The following MRAS variants were observed in gnomAD, a reference collection of about 807,000 sequenced individuals.
MRAS encodes ras-related protein M-Ras.
A neutral mutation model predicts 20.9 loss-of-function variants in MRAS; 4 were observed. That is an observed-to-expected ratio of 0.19 (90% CI 0.09 to 0.44). MRAS has a LOEUF of 0.44. MRAS is among the 20% of genes least tolerant of loss of function. The pLI is 0.99. For synonymous variants in MRAS, 98 were observed against 102.9 expected (o/e 0.95, Z 0.29); for missense variants, 154 against 277.5 (o/e 0.56, Z 3.16).
intron 2 of MRAS, among the ~76,000 whole-genome samples, chr3:138,389,967 C>T (rs1345551458): frequency 6.6e-6 from 1 of 151,714 alleles, no homozygotes; most frequent in African/African-American, 2.4e-5. Context: ...GAAGGTGGCT[C>T]ACGCCTGTAA....
At chr3:138,392,327 C>A (rs911940875) in intron 2 of MRAS, among the ~76,000 whole-genome samples, 1 of 152,126 alleles carries the variant, frequency 6.6e-6, no homozygotes, top group African/African-American at 2.4e-5. Context: ...TCCGCTTTAT[C>A]CTCCCAAAGT....
At chr3:138,398,680 C>T in intron 4 of MRAS, 112 bp downstream of exon 4, 2 of 914,146 alleles carry the variant, frequency 2.2e-6, no homozygotes, top group South Asian at 1.5e-5. Context: ...TGAAGGGCTC[C>T]CCTTAGTTTA....
chr3:138,405,026 C>CT lies in MRAS; in HGVS notation c.*2765dup. The CT allele has an allele frequency of 1.3e-5, 2 of 152,300 alleles. No homozygotes were observed. The highest frequency in any genetic ancestry group is 2.9e-5 in the Non-Finnish European group (2 of 68,076). 9.4% of individuals were successfully genotyped at this position (152,300 alleles called of 1,614,324 possible). A position where few individuals can be genotyped will look rare whatever the true frequency, so the allele number is the denominator to read the frequency against. On this transcript the variant is annotated 3_prime_UTR_variant, in exon 6 of 6. Coordinates refer to ENST00000423968, the MANE Select transcript of MRAS (RefSeq NM_001085049.3). ...TTGACACCCTCCTTAGAGGGCTGCT[C>CT]TTTTTTTTCCAGAGATAATCCTAGC... is the stretch of plus-strand genomic sequence containing the variant.
chr3:138,380,253 G>T (rs982034204), intron 2 of MRAS, among the ~76,000 whole-genome samples: 1 of 151,694 alleles, frequency 6.6e-6, no homozygotes, highest in African/African-American at 2.4e-5. Flanking sequence ...TTAATCCCTT[G>T]CCCCTTAAAC....
At chr3:138,371,979 C>G (rs917657058) in intron 1 of MRAS, among the ~76,000 whole-genome samples, 1 of 152,114 alleles carries the variant, frequency 6.6e-6, no homozygotes, top group African/African-American at 2.4e-5. Context: ...CTTTAGAATC[C>G]TGGTCCCACT....
intron 2 of MRAS, among the ~76,000 whole-genome samples, chr3:138,380,819 G>A (rs562683283): frequency 1.3e-5 from 2 of 151,794 alleles, no homozygotes; most frequent in East Asian, 1.9e-4. Flanking sequence ...CGCCAGGCTG[G>A]AGTGCAGTGG....
chr3:138,377,097 G>A (rs927921377), intron 2 of MRAS, among the ~76,000 whole-genome samples: 4 of 152,184 alleles, frequency 2.6e-5, no homozygotes, highest in African/African-American at 9.6e-5. Context: ...AAACATGGCC[G>A]CAGCATTATA....
At chr3:138,367,709 G>T (rs2054589832) in intron 1 of MRAS, among the ~76,000 whole-genome samples, 1 of 152,192 alleles carries the variant, frequency 6.6e-6, no homozygotes, top group Admixed American at 6.5e-5. Context: ...CATGTGTTGG[G>T]CTCTGCCTGG....
At chr3:138,361,582 C>T (rs962604142) in intron 1 of MRAS, among the ~76,000 whole-genome samples, 1 of 152,170 alleles carries the variant, frequency 6.6e-6, no homozygotes, top group African/African-American at 2.4e-5. Flanking sequence ...GAGGTGCTGG[C>T]TGAATCCAGT....
chr3:138,378,530 C>T (rs2108528601), intron 2 of MRAS, among the ~76,000 whole-genome samples: 1 of 152,314 alleles, frequency 6.6e-6, no homozygotes, highest in South Asian at 2.1e-4. Context: ...CCTGCTTCTC[C>T]ACTGTGGGGT....
chr3:138,396,535 C>T (rs1416530089), intron 2 of MRAS, among the ~76,000 whole-genome samples: 1 of 152,216 alleles, frequency 6.6e-6, no homozygotes, highest in African/African-American at 2.4e-5. Flanking sequence ...CAGGCCTGCA[C>T]TGCTAAAAGG....
intron 2 of MRAS, among the ~76,000 whole-genome samples, chr3:138,380,428 T>A (rs1484529686): frequency 6.6e-6 from 1 of 152,136 alleles, no homozygotes; most frequent in Non-Finnish European, 1.5e-5. Flanking sequence ...TTATCCTGCC[T>A]CACCCTCCTG....
chr3:138,398,706 G>A (rs2055293849), intron 4 of MRAS, 138 bp downstream of exon 4: 2 of 719,970 alleles, frequency 2.8e-6, no homozygotes, highest in Admixed American at 5.3e-5. Context: ...TGTTGCTACT[G>A]AAATCCTGCA....
intron 1 of MRAS, among the ~76,000 whole-genome samples, chr3:138,359,642 A>T (rs902393369): frequency 2.0e-5 from 3 of 152,206 alleles, no homozygotes; most frequent in African/African-American, 7.2e-5. Flanking sequence ...CTGGGCTCTG[A>T]CATACTCCTG....
At chr3:138,398,415 C>G in intron 3 of MRAS, 54 bp from the exon 4 acceptor site, 1 of 1,465,570 alleles carries the variant, frequency 6.8e-7, no homozygotes, top group Non-Finnish European at 9.6e-7. Flanking sequence ...CCACCTTAAC[C>G]AGGTGTGAGG....
chr3:138,397,543 CTCTCTCTCTTTCTCTT>C, intron 3 of MRAS, 66 bp downstream of exon 3: 2 of 1,556,614 alleles, frequency 1.3e-6, no homozygotes, highest in Non-Finnish European at 1.8e-6. Context: ...GGCGCTCTCT[CTCTCTCTCTTTCTCTT>C]TCTCTCTCTC....
chr3:138,384,333 C>T (rs1468993643), intron 2 of MRAS, among the ~76,000 whole-genome samples: 9 of 152,080 alleles, frequency 5.9e-5, no homozygotes, highest in South Asian at 4.1e-4. Flanking sequence ...ATGGCAGAAT[C>T]GGAAAGACCA....
At chr3:138,354,593 T>A (rs935603079) in intron 1 of MRAS, among the ~76,000 whole-genome samples, 2 of 152,212 alleles carry the variant, frequency 1.3e-5, no homozygotes, top group African/African-American at 4.8e-5. Flanking sequence ...TTGGCTATGA[T>A]CTTTTTCAGA....
At chr3:138,379,427 C>T (rs916537427) in intron 2 of MRAS, among the ~76,000 whole-genome samples, 8 of 142,708 alleles carry the variant, frequency 5.6e-5, no homozygotes, top group Non-Finnish European at 1.0e-4. Context: ...TTCAGTGGCA[C>T]GATCACTGCA....
Sources: gnomAD v4.1 joint callset for allele counts (sites outside exome capture counted in the v4.1 genomes callset) on GRCh38, gnomAD v4.1.1 for gene constraint, MANE v1.5 for transcripts, NCBI Gene and HGNC (gene_info 2026-07-23, HGNC 2026-07-21) for gene names.